The following UBOX5 variants were observed in gnomAD, a reference collection of about 807,000 sequenced individuals.
UBOX5 encodes the protein U-box domain containing 5.
UBOX5 carries 28 observed loss-of-function variants against 39.0 expected under a neutral mutation model. The ratio of observed to expected loss-of-function variants is 0.72; its 90% confidence interval spans 0.53 to 0.98. UBOX5 has a LOEUF of 0.98. Among genes scored for constraint, UBOX5 ranks in the 50% least tolerant of loss-of-function variants. The pLI, the probability that UBOX5 is intolerant of heterozygous loss-of-function variation, is 0.00. For missense variants in UBOX5, 585 were observed against 674.4 expected, an observed-to-expected ratio of 0.87 and a Z score of 1.47; for synonymous variants, 283 against 275.5, an observed-to-expected ratio of 1.03 and a Z score of -0.27.
intron 1 of UBOX5, 114 bp from the exon 2 acceptor site, chr20:3,123,520 ACT>A: frequency 1.5e-6 from 1 of 678,596 alleles, no homozygotes; most frequent in East Asian, 2.7e-5. Flanking sequence ...GAACACACAC[ACT>A]CTCACGGTCC....
chr20:3,118,546 G>A (rs2066310887), intron 3 of UBOX5, among the ~76,000 whole-genome samples: 1 of 152,056 alleles, frequency 6.6e-6, no homozygotes. Context: ...CGAGGTGGGT[G>A]GATCATGAGG....
intron 1 of UBOX5, among the ~76,000 whole-genome samples, chr20:3,155,068 A>ATG (rs1379649240): frequency 7.6e-6 from 1 of 132,010 alleles, no homozygotes; most frequent in Non-Finnish European, 1.6e-5. Context: ...AAAAAAAAAA[A>ATG]AAAAGAAAAG....
intron 1 of UBOX5, among the ~76,000 whole-genome samples, chr20:3,150,140 T>C (rs956693135): frequency 6.6e-6 from 1 of 152,210 alleles, no homozygotes; most frequent in South Asian, 2.1e-4. Flanking sequence ...TTTTAGAAGA[T>C]GCCTACTCTC....
At chr20:3,141,414 G>A (rs982512570) in intron 1 of UBOX5, among the ~76,000 whole-genome samples, 5 of 151,972 alleles carry the variant, frequency 3.3e-5, no homozygotes, top group Non-Finnish European at 7.4e-5. Flanking sequence ...TTGGGAGGCC[G>A]AGGCAGGTGG....
At chr20:3,131,252 C>G (rs1484873172) in intron 1 of UBOX5, among the ~76,000 whole-genome samples, 1 of 151,770 alleles carries the variant, frequency 6.6e-6, no homozygotes, top group East Asian at 1.9e-4. Context: ...GAAAATGCCT[C>G]TTTGAACATA....
intron 1 of UBOX5, among the ~76,000 whole-genome samples, chr20:3,142,355 C>A (rs2148614152): frequency 6.6e-6 from 1 of 152,018 alleles, no homozygotes; most frequent in South Asian, 2.1e-4. Context: ...AATCTCAGCA[C>A]TTTGGGATGC....
At chr20:3,127,795 G>C (rs1413911294) in intron 1 of UBOX5, among the ~76,000 whole-genome samples, 1 of 151,984 alleles carries the variant, frequency 6.6e-6, no homozygotes, top group Non-Finnish European at 1.5e-5. Flanking sequence ...GTGTTGGTGG[G>C]GGGAGGGTGT....
chr20:3,150,793 G>C (rs1360137783), intron 1 of UBOX5: 1 of 152,190 alleles, frequency 6.6e-6, no homozygotes, highest in African/African-American at 2.4e-5. Context: ...CTAGATGGCA[G>C]GAACATATGT....
rs2066240463 is a variant in UBOX5, at chr20:3,109,990, G to A, written c.*116C>T. 3 of 1,226,890 alleles carry A rather than the reference G, an allele frequency of 2.4e-6. No homozygotes were observed. Among genetic ancestry groups the A allele is most frequent in the Non-Finnish European group, 3.5e-6 (3 of 863,280 alleles). 76.0% of individuals were successfully genotyped at this position (1,226,890 alleles called of 1,614,324 possible). ...GAGGTGATGAAGAAGAGCCCCGGGA[G>A]GGAGCAGGCAGCTCTGTGCCTGGGG... On this transcript the variant is annotated 3_prime_UTR_variant, in exon 5 of 5. Transcript: ENST00000217173.
rs2066603933 is a variant in UBOX5 at position 3,149,574 on chromosome 20, G to A, written c.-42+10192C>T. Among the ~76,000 whole-genome samples the A allele has an allele frequency of 6.6e-6, 1 of 152,198 alleles. No individual in the cohort carries two copies. The highest frequency in any genetic ancestry group is 2.4e-5 in the African/African-American group (1 of 41,450). On this transcript the variant is annotated intron_variant, in intron 1 of 4. Coordinates refer to ENST00000217173, the MANE Select transcript of UBOX5 (RefSeq NM_014948.4). This position sits in a 1 kb window ranked among gnomAD's most constrained non-coding sequence, Gnocchi z 4.1. ...TCCGCTAACATTTGATAGGAAGAAG[G>A]AAGGCAGATTTCTAGAAAGAAGGCT...
At chr20:3,152,445 T>G (rs1032091734) in intron 1 of UBOX5, among the ~76,000 whole-genome samples, 67 of 151,820 alleles carry the variant, frequency 4.4e-4, no homozygotes, top group Non-Finnish European at 7.4e-4. Flanking sequence ...GAGGTTGCAG[T>G]GAGCTGAGAT....
chr20:3,140,635 T>C (rs1216950750), intron 1 of UBOX5, among the ~76,000 whole-genome samples: 1 of 152,112 alleles, frequency 6.6e-6, no homozygotes, highest in African/African-American at 2.4e-5. Flanking sequence ...TGTAAACACA[T>C]TCAAGGCTCT....
At chr20:3,118,866 G>A (rs1285402534) in intron 3 of UBOX5, among the ~76,000 whole-genome samples, 2 of 151,138 alleles carry the variant, frequency 1.3e-5, no homozygotes, top group African/African-American at 4.9e-5. Flanking sequence ...TTGAACCCGG[G>A]AGGCAGAGAT....
intron 1 of UBOX5, among the ~76,000 whole-genome samples, chr20:3,135,811 T>C (rs1361622147): frequency 6.6e-6 from 1 of 151,978 alleles, no homozygotes; most frequent in Non-Finnish European, 1.5e-5. Context: ...TGAAAGCTAC[T>C]GGTCAGAAGT....
chr20:3,110,660 C>T (rs1005171014), intron 4 of UBOX5: 1 of 327,684 alleles, frequency 3.1e-6, no homozygotes, highest in Non-Finnish European at 5.8e-6. Context: ...AGGCACAGCT[C>T]ACTCTGACAA....
At chr20:3,116,650 G>T (rs758116209) in intron 3 of UBOX5, 1 of 152,202 alleles carries the variant, frequency 6.6e-6, no homozygotes, top group Non-Finnish European at 1.5e-5. Flanking sequence ...ATGTTTCCAG[G>T]AGTTTCTGAA....
intron 1 of UBOX5, chr20:3,146,533 G>C (rs1290654511): frequency 6.6e-6 from 3 of 457,274 alleles, no homozygotes; most frequent in South Asian, 4.1e-5. Context: ...TTGACCGTAG[G>C]ACATATTAAG....
At chr20:3,120,363 C>G (rs1348216752) in intron 3 of UBOX5, among the ~76,000 whole-genome samples, 2 of 113,420 alleles carry the variant, frequency 1.8e-5, no homozygotes, top group Admixed American at 9.1e-5. Context: ...AAAAAAAAAA[C>G]AGAAGTCGAG....
chr20:3,131,708 T>C (rs1441465521), intron 1 of UBOX5, among the ~76,000 whole-genome samples: 1 of 152,126 alleles, frequency 6.6e-6, no homozygotes, highest in African/African-American at 2.4e-5. Context: ...ATTCAAAACC[T>C]ATAGAATTAT....
Sources: gnomAD v4.1 joint callset for allele counts (sites outside exome capture counted in the v4.1 genomes callset) on GRCh38, gnomAD v4.1.1 for gene constraint, Gnocchi (gnomAD v3.1) non-coding constraint, MANE v1.5 for transcripts, NCBI Gene and HGNC (gene_info 2026-07-23, HGNC 2026-07-21) for gene names.